The following MARCHF11 variants were observed in gnomAD, a reference collection of about 807,000 sequenced individuals.
MARCHF11 encodes the protein membrane associated ring-CH-type finger 11, also known as E3 ubiquitin-protein ligase MARCHF11.
MARCHF11 carries 29 observed loss-of-function variants against 37.3 expected under a neutral mutation model. That is an observed-to-expected ratio of 0.78 (90% CI 0.58 to 1.06). The LOEUF is 1.06. Ranked by LOEUF, MARCHF11 falls within the 50% of genes least tolerant of loss-of-function variation. The pLI, the probability that MARCHF11 is intolerant of heterozygous loss-of-function variation, is 0.00. For synonymous variants in MARCHF11, 233 were observed against 228.0 expected (o/e 1.02, Z -0.20); for missense variants, 482 against 533.4 (o/e 0.90, Z 0.95).
chr5:16,137,253 A>G (rs1456983611), intron 2 of MARCHF11, among the ~76,000 whole-genome samples: 2 of 152,132 alleles, frequency 1.3e-5, no homozygotes, highest in African/African-American at 4.8e-5. Flanking sequence ...CATGGCAGGG[A>G]CCCAGTGGGA....
intron 2 of MARCHF11, among the ~76,000 whole-genome samples, chr5:16,157,760 A>T (rs1455247274): frequency 6.6e-6 from 1 of 151,970 alleles, no homozygotes; most frequent in Non-Finnish European, 1.5e-5. Flanking sequence ...GAAAACCTCC[A>T]AGAGATTGAT....
chr5:16,130,544 T>C (rs1008571131), intron 2 of MARCHF11, among the ~76,000 whole-genome samples: 9 of 152,154 alleles, frequency 5.9e-5, no homozygotes, highest in African/African-American at 2.2e-4. Context: ...GAGGATAAAC[T>C]GTTCTTGGAA....
chr5:16,094,993 C>T (rs978703486), intron 2 of MARCHF11, among the ~76,000 whole-genome samples: 7 of 152,188 alleles, frequency 4.6e-5, no homozygotes, highest in Middle Eastern at 3.4e-3. Context: ...AAACAACGTG[C>T]CCAAGGTTAC....
chr5:16,171,158 GGTTA>G (rs1738256501), intron 2 of MARCHF11, among the ~76,000 whole-genome samples: 1 of 151,716 alleles, frequency 6.6e-6, no homozygotes, highest in Admixed American at 6.6e-5. Flanking sequence ...ACATTGTGCA[GGTTA>G]GTTACATATG....
At chr5:16,130,688 A>G (rs1038366924) in intron 2 of MARCHF11, among the ~76,000 whole-genome samples, 4 of 152,204 alleles carry the variant, frequency 2.6e-5, no homozygotes, top group East Asian at 1.9e-4. Context: ...TGGAGTCAGG[A>G]ATGCTCAAGG....
intron 2 of MARCHF11, among the ~76,000 whole-genome samples, chr5:16,101,673 C>T (rs371766407): frequency 5.9e-5 from 9 of 152,250 alleles, no homozygotes; most frequent in South Asian, 2.1e-4. Flanking sequence ...AATTAGTAGG[C>T]GGTCATAACT....
Position 16,156,263 on chromosome 5 carries a change from A to G in MARCHF11, c.693+21463T>C, listed in dbSNP as rs151098801. On this transcript the variant is annotated intron_variant, in intron 2 of 3. Transcript: ENST00000332432. ...TTCCACTGTTAGACTCTGATGTGAT[A>G]CAAGAAATGAGCTCTCTTACTTCTA... Among the ~76,000 whole-genome samples the G allele has an allele frequency of 8.1e-4, 123 of 152,058 alleles. 2 individuals carry two copies. In the East Asian group the frequency reaches 0.019, roughly 24 times the overall value.
chr5:16,125,165 G>T (rs930105609), intron 2 of MARCHF11, among the ~76,000 whole-genome samples: 2 of 151,308 alleles, frequency 1.3e-5, no homozygotes, highest in African/African-American at 4.8e-5. Context: ...CAACTCAATA[G>T]CCCCCCGATA....
chr5:16,173,398 T>C (rs1266957022), intron 2 of MARCHF11, among the ~76,000 whole-genome samples: 1 of 152,224 alleles, frequency 6.6e-6, no homozygotes, highest in Non-Finnish European at 1.5e-5. Context: ...CCTTGAATAG[T>C]GCTGTCCTGT....
intron 3 of MARCHF11, among the ~76,000 whole-genome samples, chr5:16,086,767 T>C (rs1416471860): frequency 6.6e-6 from 1 of 152,226 alleles, no homozygotes; most frequent in Non-Finnish European, 1.5e-5. Context: ...GGCCCTCTTC[T>C]GGTCCCTCAA....
intron 3 of MARCHF11, among the ~76,000 whole-genome samples, chr5:16,068,262 T>C (rs549935328): frequency 2.6e-4 from 39 of 152,310 alleles, no homozygotes; most frequent in Admixed American, 1.1e-3. Flanking sequence ...CCTAAAACAA[T>C]GCCTGACGCA....
intron 2 of MARCHF11, among the ~76,000 whole-genome samples, chr5:16,177,342 G>A (rs1040242491): frequency 1.3e-5 from 2 of 152,142 alleles, no homozygotes; most frequent in South Asian, 2.1e-4. Flanking sequence ...TCCATAAATG[G>A]AGCCCATTAG....
intron 2 of MARCHF11, among the ~76,000 whole-genome samples, chr5:16,156,600 T>A (rs925340770): frequency 1.3e-4 from 20 of 151,896 alleles, no homozygotes; most frequent in African/African-American, 4.8e-4. Context: ...TTTCATTGGA[T>A]ATTGTCCCAG....
chr5:16,166,302 T>C (rs10040925), intron 2 of MARCHF11, among the ~76,000 whole-genome samples: 2,304 of 152,140 alleles, frequency 0.015, 52 homozygotes, highest in African/African-American at 0.053. Context: ...CCAGGTGAGC[T>C]TATTCTCACT....
chr5:16,101,454 CA>C (rs1736956637), intron 2 of MARCHF11, among the ~76,000 whole-genome samples: 1 of 152,184 alleles, frequency 6.6e-6, no homozygotes, highest in Non-Finnish European at 1.5e-5. Flanking sequence ...TGTCTCATAA[CA>C]AAAGCAGGTG....
chr5:16,102,852 G>A (rs566127250), intron 2 of MARCHF11, among the ~76,000 whole-genome samples: 3 of 152,288 alleles, frequency 2.0e-5, no homozygotes, highest in African/African-American at 7.2e-5. Flanking sequence ...CTGGCTCCTG[G>A]AGCCACTCAC....
intron 3 of MARCHF11, among the ~76,000 whole-genome samples, chr5:16,085,449 T>C (rs1736678170): frequency 6.6e-6 from 1 of 152,088 alleles, no homozygotes; most frequent in African/African-American, 2.4e-5. Context: ...CAAACTTAAA[T>C]AGCTATGGAA....
chr5:16,125,141 G>A (rs973939524), intron 2 of MARCHF11, among the ~76,000 whole-genome samples: 4 of 151,332 alleles, frequency 2.6e-5, no homozygotes, highest in African/African-American at 9.7e-5. Flanking sequence ...GCCATACATC[G>A]TAATTTGCAA....
intron 2 of MARCHF11, among the ~76,000 whole-genome samples, chr5:16,099,270 ACAT>A (rs1158291764): frequency 1.3e-5 from 2 of 152,194 alleles, no homozygotes; most frequent in African/African-American, 4.8e-5. Context: ...AGGTCCTGTC[ACAT>A]CAGCCACATG....
Sources: allele counts gnomAD v4.1 joint callset (sites outside exome capture counted in the v4.1 genomes callset), GRCh38; gene constraint gnomAD v4.1.1; transcripts MANE v1.5; gene names NCBI Gene and HGNC (gene_info 2026-07-23, HGNC 2026-07-21).